The following PLCL2 variants were observed in gnomAD, a reference collection of about 807,000 sequenced individuals.
The protein encoded by PLCL2 is phospholipase C like 2.
A neutral mutation model predicts 79.6 loss-of-function variants in PLCL2; 4 were observed. That is an observed-to-expected ratio of 0.05 (90% CI 0.02 to 0.11). The LOEUF is 0.11. Among genes scored for constraint, PLCL2 ranks in the 10% least tolerant of loss-of-function variants. The pLI is 1.00. For missense variants in PLCL2, 895 were observed against 1,291.0 expected (o/e 0.69, Z 4.70); for synonymous variants, 484 against 457.7 (o/e 1.06, Z -0.73).
chr3:16,914,891 C>G (rs1249688799), intron 1 of PLCL2, among the ~76,000 whole-genome samples: 1 of 152,018 alleles, frequency 6.6e-6, no homozygotes, highest in African/African-American at 2.4e-5. Context: ...CCACAATGTC[C>G]AGCTAATTTT....
At chr3:17,035,938 G>A (rs1323238745) in intron 3 of PLCL2, among the ~76,000 whole-genome samples, 2 of 152,116 alleles carry the variant, frequency 1.3e-5, no homozygotes, top group African/African-American at 4.8e-5. Context: ...CGCATGTCAA[G>A]TTCTTTCTAC....
At chr3:16,936,326 G>C (rs1358964773) in intron 1 of PLCL2, among the ~76,000 whole-genome samples, 2 of 152,168 alleles carry the variant, frequency 1.3e-5, no homozygotes, top group African/African-American at 4.8e-5. Flanking sequence ...GTTTATATGT[G>C]CTTGGCTCAG....
chr3:16,993,943 T>C (rs1335343092), intron 1 of PLCL2, among the ~76,000 whole-genome samples: 1 of 152,184 alleles, frequency 6.6e-6, no homozygotes, highest in Non-Finnish European at 1.5e-5. Context: ...TTCAGGAAGC[T>C]GTATTTAGAA....
intron 1 of PLCL2, among the ~76,000 whole-genome samples, chr3:17,005,356 T>C (rs898655239): frequency 2.2e-5 from 3 of 138,146 alleles, no homozygotes; most frequent in African/African-American, 8.5e-5. Context: ...GAAATGAGGT[T>C]CACCTATTCC....
intron 1 of PLCL2, among the ~76,000 whole-genome samples, chr3:16,957,274 A>G (rs2063714815): frequency 6.6e-6 from 1 of 152,020 alleles, no homozygotes; most frequent in Non-Finnish European, 1.5e-5. Context: ...TTCCGCCTTC[A>G]TTTCGTTATG....
chr3:16,908,758 A>G (rs1338285477), intron 1 of PLCL2, among the ~76,000 whole-genome samples: 1 of 152,198 alleles, frequency 6.6e-6, no homozygotes, highest in Non-Finnish European at 1.5e-5. Flanking sequence ...GCTGTGTTCC[A>G]GGTGGTTTAT....
chr3:16,959,974 A>G (rs909759778), intron 1 of PLCL2, among the ~76,000 whole-genome samples: 13 of 152,110 alleles, frequency 8.5e-5, no homozygotes, highest in African/African-American at 3.1e-4. Flanking sequence ...GCGTGGTGGC[A>G]GGCACCTGTA....
intron 1 of PLCL2, among the ~76,000 whole-genome samples, chr3:16,957,601 G>T (rs370084952): frequency 3.3e-5 from 5 of 152,042 alleles, no homozygotes; most frequent in Non-Finnish European, 7.4e-5. Flanking sequence ...TTTCTGTCTC[G>T]TTGATCTGTC....
chr3:16,955,789 A>C (rs962517841), intron 1 of PLCL2, among the ~76,000 whole-genome samples: 74 of 152,254 alleles, frequency 4.9e-4, no homozygotes, highest in Middle Eastern at 3.4e-3. Flanking sequence ...TCTTTGAAGC[A>C]ATTGTGAATG....
At position 16,965,145 on chromosome 3, in the gene PLCL2, T is replaced by C. The variant is rs184662694; in HGVS notation, c.328-44529T>C. On this transcript the variant is annotated intron_variant, in intron 1 of 5. Transcript: ENST00000615277. ...CCCAGGTTTTCTTCTAGGATTTTTA[T>C]GATTTTGGTCTAACATTTAAGTCTT... 4.2e-3 allele frequency among the ~76,000 whole-genome samples: 635 copies of C among 152,344 alleles called. 2 individuals are homozygous for C. Among genetic ancestry groups the C allele is most frequent in the African/African-American group, 0.015 (610 of 41,576 alleles).
At chr3:17,048,252 C>A (rs971096345) in intron 4 of PLCL2, among the ~76,000 whole-genome samples, 3 of 152,108 alleles carry the variant, frequency 2.0e-5, no homozygotes, top group Non-Finnish European at 2.9e-5. Flanking sequence ...AACAAGTGTT[C>A]TGTTTGAAAA....
intron 3 of PLCL2, among the ~76,000 whole-genome samples, chr3:17,027,114 A>G (rs1352469623): frequency 6.6e-6 from 1 of 152,110 alleles, no homozygotes. Context: ...TAAAATACCA[A>G]CTACACTTGA....
intron 4 of PLCL2, among the ~76,000 whole-genome samples, chr3:17,051,758 GAAC>G (rs1226408913): frequency 6.6e-6 from 1 of 152,154 alleles, no homozygotes; most frequent in Non-Finnish European, 1.5e-5. Flanking sequence ...ATGGAGGCCT[GAAC>G]AACAAGAGCT....
chr3:17,068,254 T>C (rs982044122), intron 5 of PLCL2, among the ~76,000 whole-genome samples, 189 bp downstream of exon 5: 3 of 152,236 alleles, frequency 2.0e-5, no homozygotes, highest in Admixed American at 2.0e-4. Context: ...TGTAGATCAG[T>C]TGAAGAACAG....
At chr3:17,058,522 C>T (rs2064913967) in intron 4 of PLCL2, among the ~76,000 whole-genome samples, 1 of 151,988 alleles carries the variant, frequency 6.6e-6, no homozygotes, top group South Asian at 2.1e-4. Flanking sequence ...TGGGGCAGGC[C>T]TGGTCTTGAA....
At chr3:17,070,129 T>A (rs1201449355) in intron 5 of PLCL2, among the ~76,000 whole-genome samples, 2 of 152,216 alleles carry the variant, frequency 1.3e-5, no homozygotes, top group Non-Finnish European at 1.5e-5. Flanking sequence ...CCTACTCATG[T>A]GTGGTCCGGG....
Position 17,011,364 on chromosome 3 carries a change from C to G in PLCL2, c.2018C>G (p.Ala673Gly). The G allele has an allele frequency of 6.2e-7, 1 of 1,614,092 alleles. No individual in the cohort carries two copies. Among genetic ancestry groups the G allele is most frequent in the Non-Finnish European group, 8.5e-7 (1 of 1,179,992 alleles). Residue 673 changes from alanine to glycine, a missense_variant, in exon 2 of 6, where the codon GCT becomes GGT. Ala to Gly is a moderately conservative substitution (Grantham distance 60). Around this residue, in one of 6 missense-constraint regions of PLCL2, gnomAD observed 242 missense variants for 399.5 expected, o/e 0.61. Transcript: ENST00000615277. This position sits in a 1 kb window ranked among gnomAD's most constrained non-coding sequence, Gnocchi z 7.9. ...DFVNYNKRFL[A>G]RVFPSPMRID... Reference sequence around the variant, plus strand: ...GTAAATTACAACAAACGTTTTCTTGCTAGGGTTTTTCCCAGTCCAATGAGA... The same window carrying G: ...GTAAATTACAACAAACGTTTTCTTGGTAGGGTTTTTCCCAGTCCAATGAGA...
chr3:17,021,032 A>G (rs1339162012), intron 3 of PLCL2, among the ~76,000 whole-genome samples: 1 of 152,274 alleles, frequency 6.6e-6, no homozygotes, highest in East Asian at 1.9e-4. Flanking sequence ...GGCTTCTTTT[A>G]TCACTCTCCT....
At chr3:16,920,191 A>G (rs1308874813) in intron 1 of PLCL2, among the ~76,000 whole-genome samples, 2 of 152,146 alleles carry the variant, frequency 1.3e-5, no homozygotes, top group East Asian at 3.9e-4. Context: ...ATGTAAATGG[A>G]ACAATAGGTA....
Sources: allele counts gnomAD v4.1 joint callset (sites outside exome capture counted in the v4.1 genomes callset), GRCh38; gene constraint gnomAD v4.1.1; regional missense constraint gnomAD v4.1.1; non-coding constraint Gnocchi (gnomAD v3.1); transcripts MANE v1.5; gene names NCBI Gene and HGNC (gene_info 2026-07-23, HGNC 2026-07-21).